Variants in ANKHD1 observed in about 807,000 individuals in gnomAD.
ANKHD1 encodes the protein ankyrin repeat and KH domain-containing protein 1.
ANKHD1 carries 31 observed loss-of-function variants against 230.5 expected under a neutral mutation model. That is an observed-to-expected ratio of 0.13 (90% CI 0.10 to 0.18). The LOEUF is 0.18. ANKHD1 is among the 10% of genes least tolerant of loss of function. The pLI is 1.00. For missense variants in ANKHD1, 2,256 were observed against 3,071.3 expected (o/e 0.73, Z 6.27); for synonymous variants, 1,074 against 1,117.6 (o/e 0.96, Z 0.78).
intron 15 of ANKHD1, among the ~76,000 whole-genome samples, chr5:140,499,077 A>T (rs967443924): frequency 1.3e-5 from 2 of 152,064 alleles, no homozygotes; most frequent in South Asian, 2.1e-4. Context: ...TCTTTTATTA[A>T]TAAGTTTTAA....
chr5:140,474,010 G>A (rs1326030288), intron 10 of ANKHD1, among the ~76,000 whole-genome samples: 1 of 152,184 alleles, frequency 6.6e-6, no homozygotes, highest in African/African-American at 2.4e-5. Flanking sequence ...GACATTGGTA[G>A]AGGCCATACA....
At chr5:140,467,556 A>G (rs1267861377) in intron 10 of ANKHD1, among the ~76,000 whole-genome samples, 1 of 152,194 alleles carries the variant, frequency 6.6e-6, no homozygotes, top group Non-Finnish European at 1.5e-5. Context: ...CAGCCATTGT[A>G]TGCTAGCCTG....
At chr5:140,460,227 A>G (rs1035825218) in intron 9 of ANKHD1, among the ~76,000 whole-genome samples, 3 of 152,156 alleles carry the variant, frequency 2.0e-5, no homozygotes, top group African/African-American at 7.2e-5. Context: ...GTGGTAAGCA[A>G]TAAGTACTTT....
At chr5:140,501,993 A>G (rs1282897803) in intron 15 of ANKHD1, among the ~76,000 whole-genome samples, 3 of 151,758 alleles carry the variant, frequency 2.0e-5, no homozygotes, top group Non-Finnish European at 4.4e-5. Flanking sequence ...CATGAGGCCA[A>G]GAGTTCAAGA....
chr5:140,522,488 C>A (rs1436633517), intron 24 of ANKHD1, among the ~76,000 whole-genome samples: 1 of 152,120 alleles, frequency 6.6e-6, no homozygotes, highest in Non-Finnish European at 1.5e-5. Flanking sequence ...AATTTGCTAT[C>A]AAAATTTTAG....
At chr5:140,504,094 C>G (rs962243764) in intron 15 of ANKHD1, among the ~76,000 whole-genome samples, 1 of 151,878 alleles carries the variant, frequency 6.6e-6, no homozygotes. Flanking sequence ...GCTCTGTCAC[C>G]CAGGCTGGAG....
intron 7 of ANKHD1, among the ~76,000 whole-genome samples, chr5:140,457,288 C>A (rs1393843271): frequency 1.3e-5 from 2 of 151,732 alleles, no homozygotes; most frequent in African/African-American, 4.9e-5. Context: ...TTGTGGTAGA[C>A]AGTGTGGCGA....
At chr5:140,453,427 T>A (rs1774908568) in intron 7 of ANKHD1, among the ~76,000 whole-genome samples, 1 of 152,072 alleles carries the variant, frequency 6.6e-6, no homozygotes, top group South Asian at 2.1e-4. Flanking sequence ...TCACCAACGT[T>A]GAAATGAAGG....
At chr5:140,423,585 C>A (rs1385660641) in intron 1 of ANKHD1, among the ~76,000 whole-genome samples, 3 of 152,216 alleles carry the variant, frequency 2.0e-5, no homozygotes, top group Non-Finnish European at 4.4e-5. Flanking sequence ...GCCTTTGGCA[C>A]TTCTGGTTCC....
At chr5:140,534,161 G>A (rs1753968820) in intron 29 of ANKHD1, among the ~76,000 whole-genome samples, 2 of 152,176 alleles carry the variant, frequency 1.3e-5, no homozygotes, top group South Asian at 4.1e-4. Flanking sequence ...GGGAGGCCGA[G>A]GCGGGTGGAT....
chr5:140,438,621 T>C lies in ANKHD1; in HGVS notation c.617+4T>C. ...ACAATGCAGGACAAGTGGACACGTA[T>C]GTGTTTAATGACTTTTGGATATTAG... On this transcript the variant is annotated splice_donor_region_variant and intron_variant, in intron 3 of 33. Coordinates refer to ENST00000360839, the MANE Select transcript of ANKHD1 (RefSeq NM_017747.3). 1 of 1,571,692 alleles carries C rather than the reference T, an allele frequency of 6.4e-7. No individual in the cohort carries two copies. Among genetic ancestry groups the C allele is most frequent in the Non-Finnish European group, 8.6e-7 (1 of 1,158,090 alleles).
At chr5:140,462,272 G>A (rs1775757788) in intron 9 of ANKHD1, among the ~76,000 whole-genome samples, 1 of 151,694 alleles carries the variant, frequency 6.6e-6, no homozygotes, top group Non-Finnish European at 1.5e-5. Flanking sequence ...GATATTATTA[G>A]CCATTGATGA....
At chr5:140,425,089 GAT>G (rs1309245518) in intron 1 of ANKHD1, among the ~76,000 whole-genome samples, 1 of 152,148 alleles carries the variant, frequency 6.6e-6, no homozygotes. Context: ...GACTTCAAAA[GAT>G]AATAGATTCT....
At chr5:140,522,065 A>G (rs1370467080) in intron 24 of ANKHD1, among the ~76,000 whole-genome samples, 5 of 152,246 alleles carry the variant, frequency 3.3e-5, no homozygotes, top group African/African-American at 1.2e-4. Flanking sequence ...TTGGAACATT[A>G]TGACTGTCAT....
chr5:140,439,289 C>T (rs986494059), intron 3 of ANKHD1, among the ~76,000 whole-genome samples: 3 of 152,104 alleles, frequency 2.0e-5, no homozygotes, highest in Admixed American at 6.5e-5. Flanking sequence ...AGTTTAAAAA[C>T]TTGTGCATCT....
At chr5:140,531,689 C>G (rs1218687818) in intron 29 of ANKHD1, among the ~76,000 whole-genome samples, 1 of 152,078 alleles carries the variant, frequency 6.6e-6, no homozygotes, top group Non-Finnish European at 1.5e-5. Flanking sequence ...TTTGGAAAAA[C>G]AGTTTCACAG....
At chr5:140,510,280 C>A (rs1752700591) in intron 22 of ANKHD1, 99 bp downstream of exon 22, 4 of 1,184,774 alleles carry the variant, frequency 3.4e-6, no homozygotes, top group African/African-American at 1.6e-5. Context: ...AGTATATTTC[C>A]ATAGAAAAAT....
rs183230746 is a variant in ANKHD1, at chr5:140,449,120, A to G, written c.1148-91A>G. 9,893 of 1,303,380 alleles carry G rather than the reference A, an allele frequency of 7.6e-3. 64 individuals are homozygous for G. The highest frequency in any genetic ancestry group is 8.8e-3 in the South Asian group (630 of 71,676). 80.7% of individuals were successfully genotyped at this position (1,303,380 alleles called of 1,614,324 possible). ...GCAAAATAAGTTATCAAATTCTTGT[A>G]TAGACATCTGAAGAAAAAGATTCCA... On this transcript the variant is annotated intron_variant, in intron 6 of 33. Coordinates refer to ENST00000360839, the MANE Select transcript of ANKHD1 (RefSeq NM_017747.3).
chr5:140,472,220 C>T, intron 10 of ANKHD1: 1 of 1,609,766 alleles, frequency 6.2e-7, no homozygotes, highest in East Asian at 2.2e-5. Flanking sequence ...TCCGTGAGTT[C>T]TTCTTTTTCC....
Sources: allele counts gnomAD v4.1 joint callset (sites outside exome capture counted in the v4.1 genomes callset), GRCh38; gene constraint gnomAD v4.1.1; transcripts MANE v1.5; gene names NCBI Gene and HGNC (gene_info 2026-07-23, HGNC 2026-07-21).